Variants in COL22A1 observed in about 807,000 individuals in gnomAD.
COL22A1 encodes the protein collagen alpha-1(XXII) chain.
COL22A1 carries 221 observed loss-of-function variants against 248.9 expected under a neutral mutation model. The ratio of observed to expected loss-of-function variants is 0.89; its 90% CI spans 0.80 to 0.99. The LOEUF (loss-of-function observed/expected upper bound fraction) is 0.99, where lower values mean the gene tolerates loss of function less well. COL22A1 is among the 50% of genes least tolerant of loss of function. The pLI is 0.00. For synonymous variants in COL22A1, 891 were observed against 793.4 expected (o/e 1.12, Z -2.07); for missense variants, 2,240 against 2,179.0 (o/e 1.03, Z -0.56).
intron 32 of COL22A1, among the ~76,000 whole-genome samples, chr8:138,696,439 CA>C (rs1376094333): frequency 1.4e-5 from 2 of 144,996 alleles, no homozygotes; most frequent in Non-Finnish European, 3.0e-5. Context: ...CTAATGTCTA[CA>C]TTAGAGAACC....
At chr8:138,610,905 A>AT (rs574888525) in intron 56 of COL22A1, among the ~76,000 whole-genome samples, 5 of 151,904 alleles carry the variant, frequency 3.3e-5, no homozygotes, top group South Asian at 2.1e-4. Context: ...ATCTACAAAC[A>AT]TTTTTTTTAA....
chr8:138,901,398 A>C (rs1587001332), intron 1 of COL22A1, among the ~76,000 whole-genome samples: 1 of 120,202 alleles, frequency 8.3e-6, no homozygotes, highest in Non-Finnish European at 1.6e-5. Flanking sequence ...ACAGTCTCTC[A>C]CTCTATCCCC....
In COL22A1 at chr8:138,660,485, GAGA is replaced by G; in HGVS notation, c.3241-8_3241-6del. On this transcript the variant is annotated splice_region_variant and splice_polypyrimidine_tract_variant and intron_variant, in intron 43 of 64. Coordinates refer to ENST00000303045, the MANE Select transcript of COL22A1 (RefSeq NM_152888.3). The stretch of plus-strand genomic sequence containing the variant: ...TCCTGGATTTCCTGGTGCACCCTAA[GAGA>G]AGAAGGAAATAAAACATTAACTGTG... 1 of 1,613,368 alleles carries G rather than the reference GAGA, an allele frequency of 6.2e-7. No homozygotes were observed. The highest frequency in any genetic ancestry group is 8.5e-7 in the Non-Finnish European group (1 of 1,179,372).
At chr8:138,790,175 G>A (rs183935554) in intron 12 of COL22A1, among the ~76,000 whole-genome samples, 32 of 152,258 alleles carry the variant, frequency 2.1e-4, no homozygotes, top group Middle Eastern at 6.8e-3. Flanking sequence ...TCAAGGTGCC[G>A]TCAGATTTGG....
At chr8:138,621,020 T>A (rs554538265) in intron 52 of COL22A1, among the ~76,000 whole-genome samples, 2 of 150,752 alleles carry the variant, frequency 1.3e-5, no homozygotes, top group African/African-American at 4.9e-5. Context: ...CATCCATCCA[T>A]CCTATGTTCT....
intron 3 of COL22A1, among the ~76,000 whole-genome samples, chr8:138,861,566 G>A (rs573631670): frequency 1.2e-4 from 18 of 152,308 alleles, no homozygotes; most frequent in Admixed American, 2.0e-4. Flanking sequence ...CACCCTCTCT[G>A]TACATGTTCC....
rs986599687 is a variant in COL22A1 at position 138,878,006 on chromosome 8, G to C, written c.402C>G (p.Gly134=). Residue 134 remains glycine, a synonymous_variant, in exon 3 of 65, where the codon GGC becomes GGG. Transcript: ENST00000303045. The part of the protein sequence containing the change: ...ITARSFSPHA[G]GRPRDRAYKQ... ...TGTAGGCGCGGTCCCTGGGGCGGCC[G>C]CCGGCGTGTGGGGAGAAGCTGCGGG... 6.3e-7 allele frequency: 1 copy of C among 1,581,652 alleles called. No homozygotes were observed. The highest frequency in any genetic ancestry group is 8.6e-7 in the Non-Finnish European group (1 of 1,164,294).
At chr8:138,888,403 C>T (rs1267970100) in intron 1 of COL22A1, among the ~76,000 whole-genome samples, 2 of 152,090 alleles carry the variant, frequency 1.3e-5, no homozygotes, top group African/African-American at 2.4e-5. Context: ...CTCAGCCAGA[C>T]AAAAAATAGG....
chr8:138,830,998 T>C (rs539715841), intron 5 of COL22A1, among the ~76,000 whole-genome samples: 3 of 152,284 alleles, frequency 2.0e-5, no homozygotes, highest in Admixed American at 2.0e-4. Flanking sequence ...AATGACTCTC[T>C]CAAGAGTTGG....
At chr8:138,807,425 C>A (rs965006261) in intron 10 of COL22A1, among the ~76,000 whole-genome samples, 1 of 152,154 alleles carries the variant, frequency 6.6e-6, no homozygotes, top group African/African-American at 2.4e-5. Flanking sequence ...AAAGCCCAAC[C>A]CCTAAAAGTT....
chr8:138,671,885 C>G (rs1825064372), intron 41 of COL22A1, among the ~76,000 whole-genome samples: 1 of 152,122 alleles, frequency 6.6e-6, no homozygotes, highest in Non-Finnish European at 1.5e-5. Flanking sequence ...ACTTTTTTCT[C>G]TAGCCTGCTT....
At chr8:138,807,705 A>G in intron 10 of COL22A1, 63 bp downstream of exon 10, 1 of 1,493,776 alleles carries the variant, frequency 6.7e-7, no homozygotes, top group South Asian at 1.2e-5. Flanking sequence ...TTTGTCTTAT[A>G]TAGACAGCAA....
At chr8:138,720,562 A>G (rs901312472) in intron 27 of COL22A1, among the ~76,000 whole-genome samples, 177 bp downstream of exon 27, 1 of 151,952 alleles carries the variant, frequency 6.6e-6, no homozygotes, top group Admixed American at 6.6e-5. Flanking sequence ...TGCCAGCCTC[A>G]TGTTGTCATC....
chr8:138,755,138 C>G lies in COL22A1; in HGVS notation c.2031+19G>C, dbSNP rs760526158. Reference sequence around the variant, plus strand: ...AGAAGCGTGCAGAGCAAACCCTGCGCAGGAGAGGGACAACTTACCCGAGCT... The same window carrying G: ...AGAAGCGTGCAGAGCAAACCCTGCGGAGGAGAGGGACAACTTACCCGAGCT... On this transcript the variant is annotated intron_variant, in intron 21 of 64. Coordinates refer to ENST00000303045, the MANE Select transcript of COL22A1 (RefSeq NM_152888.3). 19 of 1,613,608 alleles carry G rather than the reference C, an allele frequency of 1.2e-5. No homozygotes were observed. The highest frequency in any genetic ancestry group is 1.5e-5 in the Non-Finnish European group (18 of 1,179,668).
intron 3 of COL22A1, among the ~76,000 whole-genome samples, chr8:138,867,838 C>T (rs1329748722): frequency 2.6e-5 from 4 of 152,210 alleles, no homozygotes; most frequent in Non-Finnish European, 5.9e-5. Flanking sequence ...ACGATCTCGG[C>T]TCACTGCAAC....
At chr8:138,799,265 A>C (rs1816809198) in intron 11 of COL22A1, among the ~76,000 whole-genome samples, 1 of 152,156 alleles carries the variant, frequency 6.6e-6, no homozygotes, top group Non-Finnish European at 1.5e-5. Flanking sequence ...CTTTGATCAT[A>C]ATTATAATGA....
At chr8:138,694,617 G>A in intron 33 of COL22A1, 56 bp from the exon 34 acceptor site, 1 of 1,569,782 alleles carries the variant, frequency 6.4e-7, no homozygotes. Context: ...TGAGCAGATG[G>A]GCGGATGGGG....
At chr8:138,622,126 G>A (rs888808981) in intron 52 of COL22A1, among the ~76,000 whole-genome samples, 6 of 152,136 alleles carry the variant, frequency 3.9e-5, no homozygotes, top group African/African-American at 1.2e-4. Flanking sequence ...AAACTTTTAT[G>A]GAACTCCCCT....
At chr8:138,646,549 C>A in intron 47 of COL22A1, 80 bp downstream of exon 47, 1 of 1,124,468 alleles carries the variant, frequency 8.9e-7, no homozygotes, top group South Asian at 1.7e-5. Flanking sequence ...TTACACTGGC[C>A]ATCACTCTTC....
Sources: allele counts gnomAD v4.1 joint callset (sites outside exome capture counted in the v4.1 genomes callset), GRCh38; gene constraint gnomAD v4.1.1; transcripts MANE v1.5; gene names NCBI Gene and HGNC (gene_info 2026-07-23, HGNC 2026-07-21).